Variants in NEBL observed in about 807,000 individuals in gnomAD.
The protein encoded by NEBL is nebulette.
A neutral mutation model predicts 140.2 loss-of-function variants in NEBL; 122 were observed. That is an observed-to-expected ratio of 0.87 (90% confidence interval 0.75 to 1.01). The LOEUF (loss-of-function observed/expected upper bound fraction) is 1.01. Ranked by LOEUF, NEBL falls within the 50% of genes least tolerant of loss-of-function variation. The pLI, the probability that NEBL is intolerant of heterozygous loss-of-function variation, is 0.00. For synonymous variants in NEBL, 436 were observed against 398.9 expected, an observed-to-expected ratio of 1.09 and a Z score of -1.11; for missense variants, 1,365 against 1,231.3, an observed-to-expected ratio of 1.11 and a Z score of -1.62.
intron 3 of NEBL, among the ~76,000 whole-genome samples, chr10:21,235,562 A>G (rs7088481): frequency 0.37 from 55,776 of 151,802 alleles, 12,870 homozygotes; most frequent in African/African-American, 0.66. Flanking sequence ...CGATGCAGCC[A>G]CCTCAGCCTC....
intron 4 of NEBL, among the ~76,000 whole-genome samples, chr10:20,921,811 G>A (rs1833598013): frequency 6.6e-6 from 1 of 151,440 alleles, no homozygotes; most frequent in Admixed American, 6.6e-5. Context: ...ATACACACAT[G>A]CACACCCCCA....
intron 3 of NEBL, among the ~76,000 whole-genome samples, chr10:20,975,643 C>T (rs970286547): frequency 6.6e-6 from 1 of 152,160 alleles, no homozygotes; most frequent in Admixed American, 6.5e-5. Flanking sequence ...ATGAGTTACA[C>T]TTGAATACCT....
chr10:20,831,378 A>G (rs1416241204), intron 15 of NEBL, 72 bp from the exon 16 acceptor site: 4 of 1,498,644 alleles, frequency 2.7e-6, no homozygotes, highest in African/African-American at 2.8e-5. Context: ...ACATGTTTGA[A>G]TCTCAAAGCC....
chr10:21,233,777 GCA>G (rs1564547056), intron 3 of NEBL, among the ~76,000 whole-genome samples: 5 of 136,500 alleles, frequency 3.7e-5, no homozygotes, highest in African/African-American at 1.4e-4. Flanking sequence ...ACATATAAAT[GCA>G]TATATATGCA....
At chr10:21,035,823 A>G (rs1422734274) in intron 2 of NEBL, among the ~76,000 whole-genome samples, 1 of 152,208 alleles carries the variant, frequency 6.6e-6, no homozygotes, top group Admixed American at 6.5e-5. Flanking sequence ...ATATACATAT[A>G]TAACATGTAC....
chr10:20,818,376 G>GAGAAACAAA lies in NEBL; in HGVS notation c.2056-693_2056-685dup, dbSNP rs376599033. Among the ~76,000 whole-genome samples the GAGAAACAAA allele has an allele frequency of 1.8e-3, 278 of 152,252 alleles. 1 individual carries two copies. Among genetic ancestry groups the GAGAAACAAA allele is most frequent in the African/African-American group, 6.4e-3 (264 of 41,562 alleles). On this transcript the variant is annotated intron_variant, in intron 20 of 27. Coordinates refer to ENST00000377122, the MANE Select transcript of NEBL (RefSeq NM_006393.3). Reference sequence around the variant, plus strand: ...CTCAGTTTCCCACATCTACCAACCAGAGAAACAAACAGTGCTGACCTCATG... The same window carrying GAGAAACAAA: ...CTCAGTTTCCCACATCTACCAACCAGAGAAACAAAAGAAACAAACAGTGCTGACCTCATG...
At chr10:21,276,074 G>A (rs375768978) in intron 1 of NEBL, among the ~76,000 whole-genome samples, 1 of 150,884 alleles carries the variant, frequency 6.6e-6, no homozygotes, top group South Asian at 2.1e-4. Flanking sequence ...AGGTTCAAGC[G>A]ATTGTCATGC....
chr10:21,213,293 T>TA (rs2132237187), intron 3 of NEBL, among the ~76,000 whole-genome samples: 1 of 152,256 alleles, frequency 6.6e-6, no homozygotes, highest in African/African-American at 2.4e-5. Flanking sequence ...TGACTCCCTT[T>TA]AAAAAATCAG....
chr10:21,259,517 A>G (rs1434987227), intron 1 of NEBL, among the ~76,000 whole-genome samples: 1 of 151,048 alleles, frequency 6.6e-6, no homozygotes, highest in Non-Finnish European at 1.5e-5. Context: ...CCCACCCTCA[A>G]AAGATCCACA....
intron 5 of NEBL, among the ~76,000 whole-genome samples, chr10:20,877,170 CT>C (rs1191846961): frequency 2.6e-5 from 4 of 152,190 alleles, no homozygotes. Flanking sequence ...ATGCCAGCAA[CT>C]TTTAAGATGG....
At chr10:21,223,830 GTCT>G (rs1842107158) in intron 3 of NEBL, among the ~76,000 whole-genome samples, 1 of 152,112 alleles carries the variant, frequency 6.6e-6, no homozygotes, top group South Asian at 2.1e-4. Flanking sequence ...CTCTTTGTAT[GTCT>G]TCTTTTGAGA....
At chr10:21,091,570 C>G (rs1836913967) in intron 2 of NEBL, among the ~76,000 whole-genome samples, 1 of 152,188 alleles carries the variant, frequency 6.6e-6, no homozygotes, top group African/African-American at 2.4e-5. Context: ...AGTCGTTGTT[C>G]TTCATCTCTC....
intron 4 of NEBL, among the ~76,000 whole-genome samples, chr10:20,923,461 G>A (rs368719532): frequency 1.3e-5 from 2 of 151,550 alleles, no homozygotes; most frequent in African/African-American, 4.8e-5. Context: ...GGTGGATCAC[G>A]AGGTCAGGAG....
intron 9 of NEBL, among the ~76,000 whole-genome samples, chr10:20,855,766 G>T (rs1343024490): frequency 2.0e-5 from 3 of 152,078 alleles, no homozygotes; most frequent in African/African-American, 7.2e-5. Flanking sequence ...AGTAATTAAG[G>T]CACTCATATC....
chr10:21,078,198 T>A (rs1359743385), intron 2 of NEBL, among the ~76,000 whole-genome samples: 1 of 152,174 alleles, frequency 6.6e-6, no homozygotes, highest in African/African-American at 2.4e-5. Context: ...GCAGCATGAG[T>A]ACAAAATAGA....
intron 27 of NEBL, among the ~76,000 whole-genome samples, chr10:20,786,319 G>T (rs187462729): frequency 6.6e-6 from 1 of 152,136 alleles, no homozygotes; most frequent in African/African-American, 2.4e-5. Flanking sequence ...CTTTTCTTAA[G>T]TTGATGCTAA....
chr10:20,798,578 C>G (rs897779375), intron 26 of NEBL, among the ~76,000 whole-genome samples: 19 of 152,126 alleles, frequency 1.2e-4, no homozygotes, highest in African/African-American at 4.3e-4. Context: ...ATCCGATAAG[C>G]AGGAATATTT....
rs71578953 is a variant in NEBL, at chr10:20,819,299, T to C, written c.2055+125A>G. 6.2e-3 allele frequency: 8,907 copies of C among 1,442,222 alleles called. 357 individuals carry two copies. In the East Asian group the frequency reaches 0.087, roughly 14 times the overall value. 89.3% of individuals were successfully genotyped at this position (1,442,222 alleles called of 1,614,324 possible). Reference sequence around the variant, plus strand: ...ATTCTCATCATTTAGCTCTCATTATTATGCAGTATTTGGTTTTACGTTCCT... The same window carrying C: ...ATTCTCATCATTTAGCTCTCATTATCATGCAGTATTTGGTTTTACGTTCCT... On this transcript the variant is annotated intron_variant, in intron 20 of 27. Transcript: ENST00000377122.
chr10:21,263,852 A>C (rs561785545), intron 1 of NEBL, among the ~76,000 whole-genome samples: 1 of 152,174 alleles, frequency 6.6e-6, no homozygotes, highest in African/African-American at 2.4e-5. Flanking sequence ...ATAATCCCAG[A>C]TACTCGGGAG....
Sources: gnomAD v4.1 joint callset for allele counts (sites outside exome capture counted in the v4.1 genomes callset) on GRCh38, gnomAD v4.1.1 for gene constraint, MANE v1.5 for transcripts, NCBI Gene and HGNC (gene_info 2026-07-23, HGNC 2026-07-21) for gene names.